Variants in TRIQK observed in about 807,000 individuals in gnomAD.
TRIQK encodes triple QxxK/R motif-containing protein.
A neutral mutation model predicts 10.8 loss-of-function variants in TRIQK; 10 were observed. The observed-to-expected ratio is 0.92, with a 90% CI of 0.57 to 1.57. TRIQK has a LOEUF of 1.57. TRIQK is among the 40% of genes most tolerant of loss of function. TRIQK has a pLI of 0.00. For missense variants in TRIQK, 107 were observed against 97.7 expected, an observed-to-expected ratio of 1.09 and a Z score of -0.40; for synonymous variants, 33 against 33.7, an observed-to-expected ratio of 0.98 and a Z score of 0.07.
intron 1 of TRIQK, among the ~76,000 whole-genome samples, chr8:92,992,952 GAGA>G (rs1302242759): frequency 6.6e-6 from 1 of 152,168 alleles, no homozygotes; most frequent in East Asian, 1.9e-4. Context: ...AACCAGTCAG[GAGA>G]AGAATTGAGA....
At chr8:93,009,651 AG>A (rs1234592252) in intron 1 of TRIQK, among the ~76,000 whole-genome samples, 2 of 152,150 alleles carry the variant, frequency 1.3e-5, no homozygotes, top group Admixed American at 6.5e-5. Flanking sequence ...AAGGATGTGG[AG>A]AAAAAAGAAC....
intron 2 of TRIQK, among the ~76,000 whole-genome samples, chr8:92,930,509 T>C (rs10098725): frequency 0.47 from 71,441 of 151,176 alleles, 17,448 homozygotes; most frequent in Admixed American, 0.66. Flanking sequence ...TATCCAAACA[T>C]GTAAAAAGAA....
intron 3 of TRIQK, among the ~76,000 whole-genome samples, chr8:92,909,776 T>C (rs1361656583): frequency 6.6e-6 from 1 of 151,696 alleles, no homozygotes. Flanking sequence ...GAAGATGTTA[T>C]AAATAATATC....
At chr8:92,955,164 A>G (rs1292541841) in intron 1 of TRIQK, among the ~76,000 whole-genome samples, 2 of 151,832 alleles carry the variant, frequency 1.3e-5, no homozygotes, top group Non-Finnish European at 2.9e-5. Context: ...TCTCATATGG[A>G]TAAGAGTATA....
chr8:92,945,793 T>C (rs1365717451), intron 2 of TRIQK, among the ~76,000 whole-genome samples: 1 of 152,092 alleles, frequency 6.6e-6, no homozygotes, highest in Non-Finnish European at 1.5e-5. Flanking sequence ...TAAAATACAG[T>C]TAATTATCAA....
intron 2 of TRIQK, among the ~76,000 whole-genome samples, chr8:92,927,167 T>A (rs1303737870): frequency 6.6e-6 from 1 of 152,108 alleles, no homozygotes; most frequent in African/African-American, 2.4e-5. Flanking sequence ...GACTATCTGA[T>A]TGCAAATAAT....
chr8:92,908,273 C>G (rs989624257), intron 3 of TRIQK, among the ~76,000 whole-genome samples: 2 of 152,080 alleles, frequency 1.3e-5, no homozygotes, highest in Non-Finnish European at 2.9e-5. Context: ...CAACAGTCGA[C>G]TTTACACTAG....
At chr8:92,980,399 G>T (rs537062463) in intron 1 of TRIQK, among the ~76,000 whole-genome samples, 2 of 151,856 alleles carry the variant, frequency 1.3e-5, no homozygotes, top group South Asian at 2.1e-4. Context: ...ACTCACGCGC[G>T]TGTGTGTTCA....
intron 4 of TRIQK, among the ~76,000 whole-genome samples, chr8:92,888,953 G>C (rs867640227): frequency 1.1e-4 from 16 of 151,632 alleles, no homozygotes; most frequent in Middle Eastern, 3.4e-3. Flanking sequence ...TGTAATTCTT[G>C]AAAAAATAAT....
chr8:92,899,710 G>A (rs903932652), intron 3 of TRIQK, among the ~76,000 whole-genome samples: 6 of 152,120 alleles, frequency 3.9e-5, no homozygotes, highest in East Asian at 3.9e-4. Context: ...TGCAATAAAC[G>A]TAGGAGTGTA....
At chr8:92,888,382 G>A (rs1029179885) in intron 4 of TRIQK, among the ~76,000 whole-genome samples, 16 of 151,462 alleles carry the variant, frequency 1.1e-4, no homozygotes, top group African/African-American at 2.9e-4. Flanking sequence ...GGCATTTAAG[G>A]GATAGGAAGC....
intron 2 of TRIQK, among the ~76,000 whole-genome samples, chr8:92,942,870 A>T (rs987485424): frequency 3.3e-5 from 5 of 151,926 alleles, no homozygotes; most frequent in Non-Finnish European, 7.4e-5. Context: ...AATTTTTTGT[A>T]TTTTAGTAAA....
At chr8:92,895,275 C>CTTTACACA (rs1808533994) in intron 3 of TRIQK, among the ~76,000 whole-genome samples, 1 of 152,174 alleles carries the variant, frequency 6.6e-6, no homozygotes, top group African/African-American at 2.4e-5. Context: ...AATATCTGTT[C>CTTTACACA]TTTACACATT....
intron 3 of TRIQK, among the ~76,000 whole-genome samples, chr8:92,896,358 C>T (rs1563614101): frequency 6.6e-6 from 1 of 152,192 alleles, no homozygotes; most frequent in African/African-American, 2.4e-5. Flanking sequence ...AACTAGACTT[C>T]AAAAGATGTT....
intron 2 of TRIQK, among the ~76,000 whole-genome samples, chr8:92,917,637 T>C (rs1809936643): frequency 6.6e-6 from 1 of 152,020 alleles, no homozygotes; most frequent in Non-Finnish European, 1.5e-5. Flanking sequence ...TGGGTGGATA[T>C]ATGTAATATT....
intron 1 of TRIQK, among the ~76,000 whole-genome samples, chr8:92,989,129 T>A (rs1390626527): frequency 2.0e-5 from 3 of 152,186 alleles, no homozygotes; most frequent in Non-Finnish European, 4.4e-5. Context: ...ATGGAGGGGT[T>A]AATCTATAAA....
intron 3 of TRIQK, among the ~76,000 whole-genome samples, chr8:92,902,634 G>A (rs1346136726): frequency 6.6e-6 from 1 of 152,100 alleles, no homozygotes; most frequent in Non-Finnish European, 1.5e-5. Context: ...ATGATCGCTA[G>A]AGGATTCTGT....
At chr8:92,961,690 A>G (rs1164085441) in intron 1 of TRIQK, among the ~76,000 whole-genome samples, 1 of 152,216 alleles carries the variant, frequency 6.6e-6, no homozygotes, top group East Asian at 1.9e-4. Flanking sequence ...ATACCCTGCA[A>G]TATTTGAATA....
chr8:92,926,737 A>G (rs930568242), intron 2 of TRIQK, among the ~76,000 whole-genome samples: 1 of 152,248 alleles, frequency 6.6e-6, no homozygotes, highest in Non-Finnish European at 1.5e-5. Context: ...CTGGTAACCA[A>G]AAGTAGAGGG....
Sources: gnomAD v4.1 joint callset for allele counts (sites outside exome capture counted in the v4.1 genomes callset) on GRCh38, gnomAD v4.1.1 for gene constraint, MANE v1.5 for transcripts, NCBI Gene and HGNC (gene_info 2026-07-23, HGNC 2026-07-21) for gene names.